Variants in NPNT observed in about 807,000 individuals in gnomAD.
The protein encoded by NPNT is nephronectin.
In NPNT, 45 loss-of-function variants were observed where a neutral mutation model predicts 68.6. The observed-to-expected ratio is 0.66, with a 90% CI of 0.52 to 0.84. The LOEUF is 0.84. Ranked by LOEUF, NPNT falls within the 40% of genes least tolerant of loss-of-function variation. The probability of loss-of-function intolerance (pLI) is 0.00; values close to 1 mark genes in which losing one functional copy is unlikely to be tolerated. For missense variants in NPNT, 672 were observed against 714.8 expected (o/e 0.94, Z 0.68); for synonymous variants, 233 against 253.3 (o/e 0.92, Z 0.76).
At chr4:105,933,749 A>G (rs1729305754) in intron 3 of NPNT, among the ~76,000 whole-genome samples, 1 of 152,106 alleles carries the variant, frequency 6.6e-6, no homozygotes, top group Non-Finnish European at 1.5e-5. Context: ...TTTTTTCCTG[A>G]AGTTTAATAA....
chr4:105,897,183 T>A (rs2149307303), intron 1 of NPNT, among the ~76,000 whole-genome samples: 1 of 152,382 alleles, frequency 6.6e-6, no homozygotes, highest in Non-Finnish European at 1.5e-5. Context: ...ATCAGGTGGA[T>A]AAATCTGTAT....
At chr4:105,955,576 A>G (rs1731159013) in intron 8 of NPNT, among the ~76,000 whole-genome samples, 2 of 152,092 alleles carry the variant, frequency 1.3e-5, no homozygotes, top group Admixed American at 1.3e-4. Context: ...TCCTAAAAAC[A>G]TAGAATTACA....
intron 2 of NPNT, among the ~76,000 whole-genome samples, chr4:105,905,115 T>G (rs1266420128): frequency 1.3e-5 from 2 of 151,902 alleles, no homozygotes; most frequent in South Asian, 2.1e-4. Context: ...AGGAGGAATA[T>G]GTAGAATTCT....
At chr4:105,901,742 G>C (rs1019728679) in intron 2 of NPNT, among the ~76,000 whole-genome samples, 1 of 152,186 alleles carries the variant, frequency 6.6e-6, no homozygotes, top group African/African-American at 2.4e-5. Context: ...TGCTTAGTTA[G>C]CTCTGAACCT....
intron 2 of NPNT, among the ~76,000 whole-genome samples, chr4:105,920,022 G>A (rs927616224): frequency 5.3e-5 from 8 of 152,018 alleles, no homozygotes; most frequent in East Asian, 1.9e-4. Flanking sequence ...AAATTTCGCC[G>A]TTCCTTCTAC....
intron 2 of NPNT, among the ~76,000 whole-genome samples, chr4:105,915,251 TG>T (rs1413713188): frequency 8.5e-5 from 13 of 152,236 alleles, no homozygotes; most frequent in African/African-American, 2.9e-4. Flanking sequence ...GCCTGGGACC[TG>T]TAGGAAGTCA....
In NPNT at chr4:105,898,002, G is replaced by C. The variant is rs774293887; in HGVS notation, c.172+1G>C. On this transcript the variant is annotated splice_donor_variant, in intron 2 of 11. Transcript: ENST00000379987. LOFTEE classifies it high-confidence loss of function. ...CGCCAGTCTTGGGGACAGTGTCAGCGTGAGTATCAAGCCTGGGGACTTCAG... is the reference window on the plus strand; with the variant it reads ...CGCCAGTCTTGGGGACAGTGTCAGCCTGAGTATCAAGCCTGGGGACTTCAG... 1 of 1,597,788 alleles carries C rather than the reference G, an allele frequency of 6.3e-7. No homozygotes were observed. Among genetic ancestry groups the C allele is most frequent in the Non-Finnish European group, 8.5e-7 (1 of 1,172,336 alleles).
At chr4:105,966,582 C>A (rs933132071) in intron 10 of NPNT, among the ~76,000 whole-genome samples, 11 of 152,044 alleles carry the variant, frequency 7.2e-5, no homozygotes, top group Admixed American at 2.0e-4. Flanking sequence ...TCCTGAATAC[C>A]TCTGTATCTT....
chr4:105,940,292 C>A, intron 6 of NPNT, 83 bp downstream of exon 6: 1 of 1,386,368 alleles, frequency 7.2e-7, no homozygotes, highest in Non-Finnish European at 1.0e-6. Flanking sequence ...GCTGGAATGT[C>A]AGGGGCAGGG....
At chr4:105,923,867 T>A (rs1173834917) in intron 2 of NPNT, among the ~76,000 whole-genome samples, 2 of 152,134 alleles carry the variant, frequency 1.3e-5, no homozygotes, top group Admixed American at 6.6e-5. Context: ...ATAAAAATTT[T>A]AAAAGCCATT....
intron 3 of NPNT, among the ~76,000 whole-genome samples, chr4:105,929,284 GTTCATGAACCATCAGATGAAATTA>G (rs1365549584): frequency 6.6e-6 from 1 of 152,066 alleles, no homozygotes. Context: ...CAAAATGGTG[GTTCATGAACCATCAGATGAAATTA>G]TTCATGAACC....
chr4:105,919,248 T>C (rs1466458529), intron 2 of NPNT, among the ~76,000 whole-genome samples: 1 of 152,074 alleles, frequency 6.6e-6, no homozygotes, highest in Non-Finnish European at 1.5e-5. Flanking sequence ...ACATTTTTTT[T>C]TCTCTCTTCC....
Position 105,910,857 on chromosome 4 carries a change from G to A in NPNT, c.172+12856G>A, listed in dbSNP as rs79055988. On this transcript the variant is annotated intron_variant, in intron 2 of 11. Transcript: ENST00000379987. ...AGGATAAAATAGACTATACAAAACT[G>A]TTTGGCTATTTGGTACTAATACAAC... 4.5e-3 allele frequency among the ~76,000 whole-genome samples: 687 copies of A among 152,170 alleles called. 4 individuals are homozygous for A. The highest frequency in any genetic ancestry group is 0.016 in the African/African-American group (654 of 41,564).
chr4:105,947,672 C>T (rs897474134), intron 8 of NPNT, among the ~76,000 whole-genome samples: 1 of 152,136 alleles, frequency 6.6e-6, no homozygotes, highest in African/African-American at 2.4e-5. Context: ...ACTCACTCTT[C>T]GCTGGGCCCA....
At chr4:105,934,990 A>G (rs1038082849) in intron 3 of NPNT, among the ~76,000 whole-genome samples, 5 of 152,188 alleles carry the variant, frequency 3.3e-5, no homozygotes, top group African/African-American at 4.8e-5. Flanking sequence ...AGCTGCCCCA[A>G]CTGGGCTTCA....
At chr4:105,933,819 C>T (rs1184569482) in intron 3 of NPNT, among the ~76,000 whole-genome samples, 1 of 152,120 alleles carries the variant, frequency 6.6e-6, no homozygotes, top group Non-Finnish European at 1.5e-5. Flanking sequence ...CTCCTTCTCC[C>T]ATCCAAGCTC....
Position 105,937,069 on chromosome 4 carries a change from G to T in NPNT, c.326G>T (p.Gly109Val). The change falls in exon 4 of 12, where the codon GGC becomes GTC. Residue 109 changes from glycine (G) to valine (V), a missense_variant. Coordinates refer to ENST00000379987, the MANE Select transcript of NPNT (RefSeq NM_001033047.3). Reference sequence around the variant, plus strand: ...AAGCACAGGTGCATGAACACTTACGGCAGCTACAAGTGCTACTGTCTCAAC... The same window carrying T: ...AAGCACAGGTGCATGAACACTTACGTCAGCTACAAGTGCTACTGTCTCAAC... ...PCKHRCMNTYGSYKCYCLNGY... is the reference protein window; with the variant it reads ...PCKHRCMNTYVSYKCYCLNGY... The T allele has an allele frequency of 6.2e-7, 1 of 1,613,576 alleles. No homozygotes were observed. The highest frequency in any genetic ancestry group is 8.5e-7 in the Non-Finnish European group (1 of 1,179,606).
intron 2 of NPNT, among the ~76,000 whole-genome samples, chr4:105,906,524 T>C (rs1302090939): frequency 6.6e-6 from 1 of 152,214 alleles, no homozygotes; most frequent in Non-Finnish European, 1.5e-5. Context: ...CAGCCCAGAA[T>C]ATCTAGCTGT....
chr4:105,926,841 G>C (rs539893546), intron 2 of NPNT, among the ~76,000 whole-genome samples: 1 of 152,086 alleles, frequency 6.6e-6, no homozygotes. Context: ...ATGTTGTTTT[G>C]GTTTTTGTTT....
Sources: gnomAD v4.1 joint callset for allele counts (sites outside exome capture counted in the v4.1 genomes callset) on GRCh38, gnomAD v4.1.1 for gene constraint, MANE v1.5 for transcripts, NCBI Gene and HGNC (gene_info 2026-07-23, HGNC 2026-07-21) for gene names.